The following ABCB11 variants were observed in gnomAD, a reference collection of about 807,000 sequenced individuals.
The protein encoded by ABCB11 is ATP binding cassette subfamily B member 11.
A neutral mutation model predicts 148.0 loss-of-function variants in ABCB11; 95 were observed. The ratio of observed to expected loss-of-function variants is 0.64; its 90% CI spans 0.54 to 0.76. The LOEUF (loss-of-function observed/expected upper bound fraction) is 0.76. Among genes scored for constraint, ABCB11 ranks in the 30% least tolerant of loss-of-function variants. ABCB11 has a pLI of 0.00. For missense variants in ABCB11, 1,523 were observed against 1,617.8 expected, an observed-to-expected ratio of 0.94 and a Z score of 1.01; for synonymous variants, 591 against 555.4, an observed-to-expected ratio of 1.06 and a Z score of -0.90.
At position 168,935,333 on chromosome 2, in the gene ABCB11, C is replaced by T. The variant is rs201881755; in HGVS notation, c.2907G>A (p.Lys969=). ...FIEALETELE[K]PFKTAIQKAN... is the part of the protein sequence containing the mutation. Reference sequence around the variant, plus strand: ...CTTTCTGAATGGCTGTCTTGAAGGGCTTCTCCAGCTCAGTCTCAAGTGCTT... The same window carrying T: ...CTTTCTGAATGGCTGTCTTGAAGGGTTTCTCCAGCTCAGTCTCAAGTGCTT... Residue 969 remains lysine, a synonymous_variant, in exon 23 of 28, where the codon AAG becomes AAA. Transcript: ENST00000650372. 366 of 1,614,006 alleles carry T rather than the reference C, an allele frequency of 2.3e-4. No individual in the cohort carries two copies. In the Middle Eastern group the frequency reaches 2.3e-3, roughly 10 times the overall value.
intron 18 of ABCB11, among the ~76,000 whole-genome samples, chr2:168,959,014 G>C (rs1181129497): frequency 6.6e-6 from 1 of 151,642 alleles, no homozygotes; most frequent in South Asian, 2.1e-4. Context: ...CGACTATAAA[G>C]CTTAATTAGT....
At chr2:168,934,993 CCTGA>C (rs1691749116) in intron 23 of ABCB11, among the ~76,000 whole-genome samples, 187 bp downstream of exon 23, 1 of 152,170 alleles carries the variant, frequency 6.6e-6, no homozygotes, top group East Asian at 1.9e-4. Flanking sequence ...TACACAGAAG[CCTGA>C]CTGAGTCAGC....
At chr2:168,964,375 C>G (rs1034307561) in intron 17 of ABCB11, 67 bp from the exon 18 acceptor site, 44 of 1,228,816 alleles carry the variant, frequency 3.6e-5, no homozygotes, top group Non-Finnish European at 4.4e-5. Flanking sequence ...CAACTGGTGT[C>G]CAAGTTTACA....
Position 169,030,547 on chromosome 2 carries a change from T to A in ABCB11, c.-28+678A>T, listed in dbSNP as rs1467335773. Among the ~76,000 whole-genome samples, 3 of 152,338 alleles carry A rather than the reference T, an allele frequency of 2.0e-5. No individual in the cohort carries two copies. The East Asian group carries it at 5.8e-4, about 29-fold the overall frequency. Reference sequence around the variant, plus strand: ...TCTAAAAAGCTATTCCCCCTCAAAATGTTGACAAATACTGTCTTTTATTCC... The same window carrying A: ...TCTAAAAAGCTATTCCCCCTCAAAAAGTTGACAAATACTGTCTTTTATTCC... On this transcript the variant is annotated intron_variant, in intron 1 of 27. Coordinates refer to ENST00000650372, the MANE Select transcript of ABCB11 (RefSeq NM_003742.4).
rs1694122682 is a variant in ABCB11 at position 168,981,119 on chromosome 2, A to G, written c.1084-1140T>C. Among the ~76,000 whole-genome samples, 3 of 152,248 alleles carry G rather than the reference A, an allele frequency of 2.0e-5. No homozygotes were observed. The South Asian group carries it at 6.2e-4, about 32-fold the overall frequency. ...AGACCCTTCCCATTTGTTGTATCAC[A>G]TTGAGGCAAATTGCCTGAGTCTCTC... is the stretch of plus-strand genomic sequence containing the variant. On this transcript the variant is annotated intron_variant, in intron 10 of 27. Transcript: ENST00000650372.
At chr2:168,938,040 C>A (rs1691905555) in intron 21 of ABCB11, among the ~76,000 whole-genome samples, 1 of 151,946 alleles carries the variant, frequency 6.6e-6, no homozygotes, top group Non-Finnish European at 1.5e-5. Flanking sequence ...TTATTTAAGA[C>A]AAAAAAATGT....
Position 168,993,736 on chromosome 2 carries a change from C to T in ABCB11, c.758G>A (p.Gly253Glu), listed in dbSNP as rs1324562575. 3.1e-6 allele frequency: 5 copies of T among 1,609,394 alleles called. No individual in the cohort carries two copies. In the African/African-American group the frequency reaches 5.4e-5, roughly 17 times the overall value. Residue 253 changes from glycine (G) to glutamate (E), a missense_variant, in exon 8 of 28, where the codon GGG becomes GAG. Transcript: ENST00000650372. ...LVIISVSPLIGIGAATIGLSV... is the reference protein window; with the variant it reads ...LVIISVSPLIEIGAATIGLSV... ...CAGACCAATGGTGGCTGCTCCAATCCCAATGAGAGGGCTGACAGAAATAAT... is the reference window on the plus strand; with the variant it reads ...CAGACCAATGGTGGCTGCTCCAATCTCAATGAGAGGGCTGACAGAAATAAT...
intron 21 of ABCB11, among the ~76,000 whole-genome samples, chr2:168,941,033 G>A (rs1463501701): frequency 6.6e-6 from 1 of 152,026 alleles, no homozygotes; most frequent in Non-Finnish European, 1.5e-5. Flanking sequence ...AGTCACCCAG[G>A]TGCTCTGACG....
chr2:168,958,023 C>T lies in ABCB11; in HGVS notation c.2284G>A (p.Ala762Thr). The T allele has an allele frequency of 6.2e-7, 1 of 1,610,930 alleles. No individual in the cohort carries two copies. Among genetic ancestry groups the T allele is most frequent in the South Asian group, 1.1e-5 (1 of 90,906 alleles). Reference sequence around the variant, plus strand: ...GGTGTGACTGTCCCGTTCACAGCTGCACCCACAGACCCTACCAGCATGTAG... The same window carrying T: ...GGTGTGACTGTCCCGTTCACAGCTGTACCCACAGACCCTACCAGCATGTAG... ...WPYMLVGSVGAAVNGTVTPLY... is the reference protein window; with the variant it reads ...WPYMLVGSVGTAVNGTVTPLY... Residue 762 changes from alanine (A) to threonine (T), a missense_variant, in exon 19 of 28, where the codon GCA (alanine) becomes ACA (threonine). By Grantham distance (58) the Ala-to-Thr change is moderately conservative (BLOSUM62 0). Coordinates refer to ENST00000650372, the MANE Select transcript of ABCB11 (RefSeq NM_003742.4).
intron 12 of ABCB11, 144 bp downstream of exon 12, chr2:168,976,433 C>T (rs980688703): frequency 9.7e-6 from 5 of 516,794 alleles, no homozygotes; most frequent in Admixed American, 3.5e-5. Flanking sequence ...AGCCAACACC[C>T]GAGGATACTT....
chr2:169,002,012 G>A (rs967225047), intron 5 of ABCB11, among the ~76,000 whole-genome samples: 11 of 152,114 alleles, frequency 7.2e-5, no homozygotes, highest in Non-Finnish European at 1.5e-4. Flanking sequence ...ACTATGTACT[G>A]TCTACAGGAG....
intron 5 of ABCB11, among the ~76,000 whole-genome samples, chr2:169,008,219 C>A (rs1695079581): frequency 6.6e-6 from 1 of 152,162 alleles, no homozygotes; most frequent in South Asian, 2.1e-4. Context: ...CTCACATGCC[C>A]AAAATCAGCT....
At chr2:169,012,851 G>C (rs1695230304) in intron 5 of ABCB11, among the ~76,000 whole-genome samples, 1 of 152,066 alleles carries the variant, frequency 6.6e-6, no homozygotes, top group Admixed American at 6.6e-5. Flanking sequence ...ACAGATGGAA[G>C]GGTTAAGATC....
intron 19 of ABCB11, among the ~76,000 whole-genome samples, chr2:168,948,848 G>A (rs1692438099): frequency 6.6e-6 from 1 of 151,600 alleles, no homozygotes; most frequent in South Asian, 2.1e-4. Context: ...GTGGTGGCTG[G>A]GGCCCTCCTT....
In ABCB11 at chr2:168,993,205, T is replaced by G. The variant is rs75451012; in HGVS notation, c.783+506A>C. ...GAAATCCTTCTTGTGTGCTTGTTAA[T>G]GCTCTTTGTCTGTTGTGCCTTTTCA... On this transcript the variant is annotated intron_variant, in intron 8 of 27. Transcript: ENST00000650372. Among the ~76,000 whole-genome samples, 787 of 152,164 alleles carry G rather than the reference T, an allele frequency of 5.2e-3. 10 individuals are homozygous for G. Among genetic ancestry groups the G allele is most frequent in the African/African-American group, 0.018 (745 of 41,532 alleles).
At chr2:168,947,358 T>TC (rs1692368081) in intron 19 of ABCB11, among the ~76,000 whole-genome samples, 1 of 151,314 alleles carries the variant, frequency 6.6e-6, no homozygotes, top group Non-Finnish European at 1.5e-5. Flanking sequence ...ATTTTTTTTT[T>TC]TCCCCAGCAT....
rs546697457 is a variant in ABCB11, at chr2:169,015,147, G to A, written c.99-793C>T. Among the ~76,000 whole-genome samples the A allele has an allele frequency of 2.2e-4, 33 of 152,008 alleles. No homozygotes were observed. The South Asian group carries it at 2.5e-3, about 11-fold the overall frequency. On this transcript the variant is annotated intron_variant, in intron 3 of 27. Coordinates refer to ENST00000650372, the MANE Select transcript of ABCB11 (RefSeq NM_003742.4). ...ATTAAGATTTTGCTTCCTTCCCCAT[G>A]CAGCCAAGGTCCCTCTGCCAGGCAT...
In ABCB11 at chr2:168,978,690, T is replaced by C. The variant is rs1694022674; in HGVS notation, c.1197+1176A>G. On this transcript the variant is annotated intron_variant, in intron 11 of 27. Transcript: ENST00000650372. Reference sequence around the variant, plus strand: ...TTTTTTAAAGAGAAAGAACAACAGATTGCCAACTTCCCCTTCTGTTCTTGG... The same window carrying C: ...TTTTTTAAAGAGAAAGAACAACAGACTGCCAACTTCCCCTTCTGTTCTTGG... Among the ~76,000 whole-genome samples the C allele has an allele frequency of 2.6e-5, 4 of 151,830 alleles. No homozygotes were observed. In the South Asian group the frequency reaches 8.3e-4, roughly 32 times the overall value.
At chr2:168,971,783 T>C in intron 14 of ABCB11, 64 bp downstream of exon 14, 6 of 1,473,942 alleles carry the variant, frequency 4.1e-6, no homozygotes, top group Non-Finnish European at 4.7e-6. Flanking sequence ...ATGTGTATAA[T>C]TGTGCAACTT....
Sources: allele counts gnomAD v4.1 joint callset (sites outside exome capture counted in the v4.1 genomes callset), GRCh38; gene constraint gnomAD v4.1.1; transcripts MANE v1.5; gene names NCBI Gene and HGNC (gene_info 2026-07-23, HGNC 2026-07-21).